APOL1: variants seen among roughly 807,000 people sequenced by gnomAD.
APOL1 encodes apolipoprotein L 1.
A neutral mutation model predicts 14.9 loss-of-function variants in APOL1; 17 were observed. That is an observed-to-expected ratio of 1.14 (90% confidence interval 0.78 to 1.71). The LOEUF (loss-of-function observed/expected upper bound fraction) is 1.71, where lower values mean the gene tolerates loss of function less well. APOL1 is among the 40% of genes most tolerant of loss of function. The pLI, the probability that APOL1 is intolerant of heterozygous loss-of-function variation, is 0.00. For missense variants in APOL1, 523 were observed against 485.9 expected (o/e 1.08, Z -0.72); for synonymous variants, 195 against 184.8 (o/e 1.05, Z -0.45).
chr22:36,265,021 C>T, intron 5 of APOL1, 130 bp from the exon 6 acceptor site: 1 of 1,212,668 alleles, frequency 8.2e-7, no homozygotes, highest in South Asian at 1.5e-5. Context: ...CCGTATTAGT[C>T]AGGATGGTCT....
In APOL1 at chr22:36,258,815, C is replaced by T. The variant is rs563631006; in HGVS notation, c.187+1408C>T. Among the ~76,000 whole-genome samples, 74 of 152,184 alleles carry T rather than the reference C, an allele frequency of 4.9e-4. No individual in the cohort carries two copies. The South Asian group carries it at 0.013, about 27-fold the overall frequency. The stretch of plus-strand genomic sequence containing the variant: ...GTACCAAACATGGGCATACATGGAA[C>T]GGCTGTGGTGCGGGTGGGTGTGGGG... On this transcript the variant is annotated intron_variant, in intron 4 of 5. Transcript: ENST00000397278.
chr22:36,265,973 G>C lies in APOL1; in HGVS notation c.1137G>C (p.Glu379Asp). 1 of 1,613,762 alleles carries C rather than the reference G, an allele frequency of 6.2e-7. No homozygotes were observed. Among genetic ancestry groups the C allele is most frequent in the Non-Finnish European group, 8.5e-7 (1 of 1,179,990 alleles). The part of the protein sequence containing the change: ...EELKKVAQEL[E>D]EKLNILNNNY... Reference sequence around the variant, plus strand: ...TGAAGAAGGTGGCTCAGGAGCTGGAGGAGAAGCTAAACATTCTCAACAATA... The same window carrying C: ...TGAAGAAGGTGGCTCAGGAGCTGGACGAGAAGCTAAACATTCTCAACAATA... The change falls in exon 6 of 6, where the codon GAG becomes GAC. Residue 379 changes from glutamate to aspartate, a missense_variant. Transcript: ENST00000397278.
intron 2 of APOL1, among the ~76,000 whole-genome samples, chr22:36,255,668 A>C (rs34968476): frequency 0.13 from 17,159 of 130,778 alleles, 743 homozygotes; most frequent in African/African-American, 0.23. Context: ...TGAGAGCTGG[A>C]GGATGGAACC....
intron 1 of APOL1, 152 bp from the exon 2 acceptor site, chr22:36,254,785 C>G: frequency 4.3e-6 from 4 of 929,576 alleles, no homozygotes. Flanking sequence ...ATGGCGTGAA[C>G]CCGGGAGGCA....
chr22:36,256,469 G>A (rs1239608209), intron 2 of APOL1, among the ~76,000 whole-genome samples: 1 of 152,232 alleles, frequency 6.6e-6, no homozygotes. Context: ...ATCAGCTAGG[G>A]AAAGACAGCA....
intron 2 of APOL1, 89 bp downstream of exon 2, chr22:36,255,088 T>C: frequency 1.4e-6 from 2 of 1,460,844 alleles, no homozygotes. Context: ...GCCAGGGCCA[T>C]CTGGGCTTCT....
intron 4 of APOL1, chr22:36,259,712 G>T (rs751184495): frequency 7.7e-7 from 1 of 1,303,916 alleles, no homozygotes; most frequent in Non-Finnish European, 1.0e-6. Context: ...CGTGTACCCT[G>T]AGACCAGCCT....
At chr22:36,254,501 A>G (rs1379190960) in intron 1 of APOL1, among the ~76,000 whole-genome samples, 1 of 152,212 alleles carries the variant, frequency 6.6e-6, no homozygotes, top group Non-Finnish European at 1.5e-5. Flanking sequence ...CAACAGATCT[A>G]GGCTGCAATG....
chr22:36,257,806 C>T (rs1286605377), intron 4 of APOL1, among the ~76,000 whole-genome samples: 1 of 152,080 alleles, frequency 6.6e-6, no homozygotes, highest in Non-Finnish European at 1.5e-5. Context: ...TCCAAGCTGA[C>T]CCTGGGGTGT....
chr22:36,258,670 G>A (rs2413395), intron 4 of APOL1, among the ~76,000 whole-genome samples: 3,162 of 152,288 alleles, frequency 0.021, 116 homozygotes, highest in African/African-American at 0.072. Context: ...GAGCCAGTCG[G>A]GCCCAGTGGA....
rs377004298 is a variant in APOL1, at chr22:36,257,042, G to A, written c.45-41G>A. Reference sequence around the variant, plus strand: ...CTGTAGTTTCTGTAATGATCAGATGGCTGCCCGTCCTCTGATTATCTTCTC... The same window carrying A: ...CTGTAGTTTCTGTAATGATCAGATGACTGCCCGTCCTCTGATTATCTTCTC... On this transcript the variant is annotated intron_variant, in intron 2 of 5. Coordinates refer to ENST00000397278, the MANE Select transcript of APOL1 (RefSeq NM_003661.4). 5 of 1,602,936 alleles carry A rather than the reference G, an allele frequency of 3.1e-6. No individual in the cohort carries two copies. In the African/African-American group the frequency reaches 5.4e-5, roughly 17 times the overall value.
Position 36,267,483 on chromosome 22 carries a change from A to T in APOL1, c.*1450A>T, listed in dbSNP as rs1264301477. Reference sequence around the variant, plus strand: ...TAGAGCTGTCTTGTCGCCGCCCAGGATTGACCTGTGTGTAAGTCCCAATAA... The same window carrying T: ...TAGAGCTGTCTTGTCGCCGCCCAGGTTTGACCTGTGTGTAAGTCCCAATAA... On this transcript the variant is annotated 3_prime_UTR_variant, in exon 6 of 6. Coordinates refer to ENST00000397278, the MANE Select transcript of APOL1 (RefSeq NM_003661.4). 1 of 146,526 alleles carries T rather than the reference A, an allele frequency of 6.8e-6. No individual in the cohort carries two copies. The highest frequency in any genetic ancestry group is 1.5e-5 in the Non-Finnish European group (1 of 65,746). 9.1% of individuals were successfully genotyped at this position (146,526 alleles called of 1,614,324 possible). A position where few individuals can be genotyped will look rare whatever the true frequency, so the allele number is the denominator to read the frequency against.
chr22:36,266,515 G>A lies in APOL1; in HGVS notation c.*482G>A. On this transcript the variant is annotated 3_prime_UTR_variant, in exon 6 of 6. Transcript: ENST00000397278. Reference sequence around the variant, plus strand: ...AGGGGTTAATGCAGATGGCAGTGCAGCAAGGAGAAGGCAGGAACATTGGAG... The same window carrying A: ...AGGGGTTAATGCAGATGGCAGTGCAACAAGGAGAAGGCAGGAACATTGGAG... The A allele has an allele frequency of 2.5e-6, 1 of 400,350 alleles. No individual in the cohort carries two copies. The highest frequency in any genetic ancestry group is 4.4e-6 in the Non-Finnish European group (1 of 227,438). The allele number at this position is 400,350 out of a possible 1,614,324, so 24.8% of individuals were successfully genotyped here.
At chr22:36,255,629 G>A (rs1036163957) in intron 2 of APOL1, among the ~76,000 whole-genome samples, 13 of 150,456 alleles carry the variant, frequency 8.6e-5, no homozygotes, top group South Asian at 2.1e-4. Flanking sequence ...AGAGGGAGGC[G>A]AGTGGCTTTT....
intron 4 of APOL1, 146 bp from the exon 5 acceptor site, chr22:36,261,450 A>T (rs1470451257): frequency 1.2e-6 from 1 of 816,124 alleles, no homozygotes; most frequent in Non-Finnish European, 1.8e-6. Context: ...GGGGCACACA[A>T]TTCCCTCTAT....
rs754633492 is a variant in APOL1 at position 36,257,134 on chromosome 22, G to A, written c.96G>A (p.Ala32=). The part of the protein sequence containing the change: ...GVGVRAEEAG[A]RVQQNVPSGT... ...GAGTGAGGGCAGAGGAAGCTGGAGC[G>A]AGGTGAGTGTCTGCAAATAGCAGAT... The change falls in exon 3 of 6, where the codon GCG becomes GCA. Residue 32 remains alanine (A), a splice_region_variant and synonymous_variant. Transcript: ENST00000397278. The A allele has an allele frequency of 3.0e-5, 48 of 1,614,036 alleles. No individual in the cohort carries two copies. Among genetic ancestry groups the A allele is most frequent in the East Asian group, 2.4e-4 (11 of 44,902 alleles).
At position 36,257,615 on chromosome 22, in the gene APOL1, C is replaced by T. The variant is rs111465398; in HGVS notation, c.187+208C>T. On this transcript the variant is annotated intron_variant, in intron 4 of 5. Coordinates refer to ENST00000397278, the MANE Select transcript of APOL1 (RefSeq NM_003661.4). ...TGACCTCTCCTTAGGGTGACACGGC[C>T]CAGGTGCCCACTTCCTCCCTACCCT... 118 of 573,478 alleles carry T rather than the reference C, an allele frequency of 2.1e-4. No homozygotes were observed. The Middle Eastern group carries it at 3.3e-3, about 16-fold the overall frequency. 35.5% of individuals were successfully genotyped at this position (573,478 alleles called of 1,614,324 possible).
At chr22:36,253,328 C>T (rs544916975) in intron 1 of APOL1, 109 bp downstream of exon 1, 9 of 263,388 alleles carry the variant, frequency 3.4e-5, no homozygotes, top group African/African-American at 1.8e-4. Context: ...AGCGGCAAAG[C>T]CTGGATTTGC....
intron 4 of APOL1, among the ~76,000 whole-genome samples, chr22:36,259,042 C>G (rs2015992214): frequency 6.6e-6 from 1 of 152,160 alleles, no homozygotes; most frequent in African/African-American, 2.4e-5. Flanking sequence ...GCCTGGAGTT[C>G]TTGTTTCTTC....
Sources: allele counts gnomAD v4.1 joint callset (sites outside exome capture counted in the v4.1 genomes callset), GRCh38; gene constraint gnomAD v4.1.1; transcripts MANE v1.5; gene names NCBI Gene and HGNC (gene_info 2026-07-23, HGNC 2026-07-21).